TRDMT1: variants seen among roughly 807,000 people sequenced by gnomAD.
TRDMT1 encodes tRNA aspartic acid methyltransferase 1, also known as tRNA (cytosine(38)-C(5))-methyltransferase.
TRDMT1 carries 49 observed loss-of-function variants against 51.2 expected under a neutral mutation model. That is an observed-to-expected ratio of 0.96 (90% CI 0.76 to 1.21). TRDMT1 has a LOEUF of 1.21. Ranked by LOEUF, TRDMT1 falls within the 50% of genes most tolerant of loss-of-function variation. TRDMT1 has a pLI of 0.00. For missense variants in TRDMT1, 534 were observed against 462.3 expected, an observed-to-expected ratio of 1.16 and a Z score of -1.42; for synonymous variants, 187 against 164.6, an observed-to-expected ratio of 1.14 and a Z score of -1.04.
intron 8 of TRDMT1, among the ~76,000 whole-genome samples, chr10:17,155,864 A>C (rs1252102148): frequency 6.6e-6 from 1 of 152,212 alleles, no homozygotes; most frequent in South Asian, 2.1e-4. Flanking sequence ...AAATTTTACC[A>C]TCAGGCTCCT....
intron 3 of TRDMT1, 64 bp downstream of exon 3, chr10:17,168,777 G>C: frequency 8.4e-7 from 1 of 1,190,122 alleles, no homozygotes; most frequent in Non-Finnish European, 1.2e-6. Flanking sequence ...CCCAGTCTCA[G>C]GTATGTCTTT....
At chr10:17,182,268 C>T (rs910413122) in intron 1 of TRDMT1, among the ~76,000 whole-genome samples, 5 of 152,156 alleles carry the variant, frequency 3.3e-5, no homozygotes, top group Admixed American at 2.6e-4. Flanking sequence ...GAGAAAAAAA[C>T]TGGTTTCTGG....
intron 1 of TRDMT1, among the ~76,000 whole-genome samples, chr10:17,195,954 G>A (rs1336822621): frequency 2.0e-5 from 3 of 151,934 alleles, no homozygotes; most frequent in Non-Finnish European, 4.4e-5. Flanking sequence ...AAAATTAAGC[G>A]GTTCATAGGC....
In TRDMT1 at chr10:17,153,651, C is replaced by G. The variant is rs569873907; in HGVS notation, c.946-15G>C. On this transcript the variant is annotated splice_polypyrimidine_tract_variant and intron_variant, in intron 9 of 10. Coordinates refer to ENST00000377799, the MANE Select transcript of TRDMT1 (RefSeq NM_004412.7). ...ATATTCTCAACCTGTAAGAAAATACCCAAGATAACTAAAAAAGTAATGTGC... is the reference window on the plus strand; with the variant it reads ...ATATTCTCAACCTGTAAGAAAATACGCAAGATAACTAAAAAAGTAATGTGC... 6.5e-7 allele frequency: 1 copy of G among 1,549,834 alleles called. No homozygotes were observed. Among genetic ancestry groups the G allele is most frequent in the South Asian group, 1.2e-5 (1 of 80,762 alleles).
At chr10:17,163,694 G>A (rs965373122) in intron 3 of TRDMT1, among the ~76,000 whole-genome samples, 5 of 152,100 alleles carry the variant, frequency 3.3e-5, no homozygotes, top group South Asian at 2.1e-4. Flanking sequence ...TATCACCACC[G>A]ACCCCACAGA....
chr10:17,145,890 G>T lies in TRDMT1; in HGVS notation c.*3150C>A. 1 of 985,422 alleles carries T rather than the reference G, an allele frequency of 1.0e-6. No individual in the cohort carries two copies. Among genetic ancestry groups the T allele is most frequent in the Non-Finnish European group, 1.2e-6 (1 of 829,920 alleles). The allele number at this position is 985,422 out of a possible 1,614,324, so 61.0% of individuals were successfully genotyped here. On this transcript the variant is annotated 3_prime_UTR_variant, in exon 11 of 11. Coordinates refer to ENST00000377799, the MANE Select transcript of TRDMT1 (RefSeq NM_004412.7). ...TTCTGCTATGGCTAAAATTAAATCAGTTGTATTTATCTTTAGTTCATTTCT... is the reference window on the plus strand; with the variant it reads ...TTCTGCTATGGCTAAAATTAAATCATTTGTATTTATCTTTAGTTCATTTCT...
rs556629042 is a variant in TRDMT1 at position 17,141,178 on chromosome 10, T to A, written c.*7862A>T. On this transcript the variant is annotated 3_prime_UTR_variant, in exon 11 of 11. Coordinates refer to ENST00000377799, the MANE Select transcript of TRDMT1 (RefSeq NM_004412.7). ...GCTGCTTTTATTTATTTATTTATTT[T>A]TTTGAGACGGAGTCTCACTCTGTCA... 9.2e-5 allele frequency among the ~76,000 whole-genome samples: 14 copies of A among 152,338 alleles called. No homozygotes were observed. In the East Asian group the frequency reaches 1.4e-3, roughly 15 times the overall value.
chr10:17,146,766 T>C lies in TRDMT1; in HGVS notation c.*2274A>G. The C allele has an allele frequency of 3.0e-6, 3 of 985,382 alleles. No homozygotes were observed. The highest frequency in any genetic ancestry group is 3.6e-6 in the Non-Finnish European group (3 of 829,910). 61.0% of individuals were successfully genotyped at this position (985,382 alleles called of 1,614,324 possible). A position where few individuals can be genotyped will look rare whatever the true frequency, so the allele number is the denominator to read the frequency against. On this transcript the variant is annotated 3_prime_UTR_variant, in exon 11 of 11. Coordinates refer to ENST00000377799, the MANE Select transcript of TRDMT1 (RefSeq NM_004412.7). Reference sequence around the variant, plus strand: ...AGGAAACAGAATTTCCAGTGCAAATTTTATATACAGCATTATTACCAAAAG... The same window carrying C: ...AGGAAACAGAATTTCCAGTGCAAATCTTATATACAGCATTATTACCAAAAG...
chr10:17,143,410 T>C lies in TRDMT1; in HGVS notation c.*5630A>G. On this transcript the variant is annotated 3_prime_UTR_variant, in exon 11 of 11. Coordinates refer to ENST00000377799, the MANE Select transcript of TRDMT1 (RefSeq NM_004412.7). ...ATTCAGCTTATTGTCTACTCATTCA[T>C]AGGATCAGCTCTTAAATATGAAAGT... is the stretch of plus-strand genomic sequence containing the variant. 3.0e-6 allele frequency: 3 copies of C among 985,470 alleles called. No homozygotes were observed. The highest frequency in any genetic ancestry group is 3.6e-6 in the Non-Finnish European group (3 of 829,930). 61.0% of individuals were successfully genotyped at this position (985,470 alleles called of 1,614,324 possible).
rs746221561 is a variant in TRDMT1, at chr10:17,157,457, C to T, written c.871G>A (p.Val291Met). The T allele has an allele frequency of 2.8e-5, 45 of 1,606,726 alleles. No homozygotes were observed. The highest frequency in any genetic ancestry group is 6.7e-5 in the African/African-American group (5 of 74,832). Reference protein sequence around the residue: ...DIVQPTCRRSVCFTKGYGSYI... With the variant: ...DIVQPTCRRSMCFTKGYGSYI... ...AAAACCTACCCTTTGGTAAAGCACA[C>T]GGACCTTCTACAAGTGGGCTGAACA... The change falls in exon 8 of 11, where the codon GTG (valine) becomes ATG (methionine). Residue 291 changes from valine to methionine, a missense_variant. By Grantham distance (21) the Val-to-Met change is conservative (BLOSUM62 1). Coordinates refer to ENST00000377799, the MANE Select transcript of TRDMT1 (RefSeq NM_004412.7).
At chr10:17,164,393 CA>C (rs1401552886) in intron 3 of TRDMT1, among the ~76,000 whole-genome samples, 2 of 152,162 alleles carry the variant, frequency 1.3e-5, no homozygotes, top group African/African-American at 2.4e-5. Context: ...CTATCTATGA[CA>C]AACCCACAGC....
In TRDMT1 at chr10:17,148,981, G is replaced by A; in HGVS notation, c.*59C>T. On this transcript the variant is annotated 3_prime_UTR_variant, in exon 11 of 11. Transcript: ENST00000377799. ...AGAATTAGTTCAAAACAGAATTTCA[G>A]AATTACTCTCTGAAAATGAAGGAAT... The A allele has an allele frequency of 2.7e-6, 4 of 1,485,542 alleles. No homozygotes were observed. The highest frequency in any genetic ancestry group is 3.6e-6 in the Non-Finnish European group (4 of 1,110,600). The allele number at this position is 1,485,542 out of a possible 1,614,324, so 92.0% of individuals were successfully genotyped here. A position where few individuals can be genotyped will look rare whatever the true frequency, so the allele number is the denominator to read the frequency against.
At chr10:17,158,585 T>A (rs1305416995) in intron 7 of TRDMT1, among the ~76,000 whole-genome samples, 1 of 152,144 alleles carries the variant, frequency 6.6e-6, no homozygotes, top group Non-Finnish European at 1.5e-5. Context: ...AACTCAGTTA[T>A]CCATCCCCGT....
chr10:17,151,154 T>C (rs551873684), intron 10 of TRDMT1: 6 of 735,430 alleles, frequency 8.2e-6, no homozygotes, highest in Middle Eastern at 7.1e-4. Context: ...ACAAAAGTAA[T>C]TGAAGTTTTT....
intron 3 of TRDMT1, among the ~76,000 whole-genome samples, chr10:17,167,027 C>T (rs1841314712): frequency 2.0e-5 from 3 of 152,200 alleles, no homozygotes; most frequent in Non-Finnish European, 4.4e-5. Flanking sequence ...GCCCTTTTCT[C>T]CTCTGTACTC....
At chr10:17,182,879 A>G (rs1433636430) in intron 1 of TRDMT1, among the ~76,000 whole-genome samples, 1 of 152,238 alleles carries the variant, frequency 6.6e-6, no homozygotes, top group Admixed American at 6.5e-5. Flanking sequence ...AACATATAAA[A>G]GATGCCAAAC....
At chr10:17,159,771 A>G (rs1159483205) in intron 6 of TRDMT1, among the ~76,000 whole-genome samples, 1 of 152,194 alleles carries the variant, frequency 6.6e-6, no homozygotes, top group African/African-American at 2.4e-5. Flanking sequence ...ATGACAAGAA[A>G]CTAACAAGAA....
chr10:17,187,177 C>T (rs1156421302), intron 1 of TRDMT1, among the ~76,000 whole-genome samples: 1 of 152,104 alleles, frequency 6.6e-6, no homozygotes, highest in Non-Finnish European at 1.5e-5. Flanking sequence ...AAAAATCACT[C>T]CATAGTTATG....
chr10:17,153,208 G>C (rs993116335), intron 10 of TRDMT1: 9 of 438,610 alleles, frequency 2.1e-5, no homozygotes, highest in Non-Finnish European at 3.6e-5. Context: ...GCTGGAAAGG[G>C]GATGCTATGC....
Sources: gnomAD v4.1 joint callset for allele counts (sites outside exome capture counted in the v4.1 genomes callset) on GRCh38, gnomAD v4.1.1 for gene constraint, MANE v1.5 for transcripts, NCBI Gene and HGNC (gene_info 2026-07-23, HGNC 2026-07-21) for gene names.